The following ASIC2 variants were observed in gnomAD, a reference collection of about 807,000 sequenced individuals.
ASIC2 encodes acid sensing ion channel subunit 2, also known as acid-sensing ion channel 2.
Under a neutral mutation model 57.3 loss-of-function variants are expected in ASIC2, and 25 were observed. That is an observed-to-expected ratio of 0.44 (90% CI 0.32 to 0.61). The LOEUF (loss-of-function observed/expected upper bound fraction) is 0.61. Among genes scored for constraint, ASIC2 ranks in the 20% least tolerant of loss-of-function variants. The pLI is 0.06. For synonymous variants in ASIC2, 319 were observed against 307.5 expected, an observed-to-expected ratio of 1.04 and a Z score of -0.39; for missense variants, 641 against 738.1, an observed-to-expected ratio of 0.87 and a Z score of 1.52.
intron 1 of ASIC2, among the ~76,000 whole-genome samples, chr17:33,420,926 TA>T (rs1911022324): frequency 6.6e-6 from 1 of 152,220 alleles, no homozygotes; most frequent in African/African-American, 2.4e-5. Context: ...ATGAAGAAAT[TA>T]ATGTGTTTGC....
At chr17:33,209,422 G>A (rs964955930) in intron 1 of ASIC2, among the ~76,000 whole-genome samples, 4 of 152,172 alleles carry the variant, frequency 2.6e-5, no homozygotes, top group African/African-American at 4.8e-5. Flanking sequence ...CTAGACCATG[G>A]TTTTTCAGTC....
chr17:33,523,117 T>C (rs1914791178), intron 1 of ASIC2, among the ~76,000 whole-genome samples: 1 of 152,226 alleles, frequency 6.6e-6, no homozygotes. Context: ...TTTCTCTTCG[T>C]TCTGTGATGA....
intron 1 of ASIC2, among the ~76,000 whole-genome samples, chr17:33,512,014 G>A (rs151026961): frequency 6.6e-6 from 1 of 152,340 alleles, no homozygotes; most frequent in Non-Finnish European, 1.5e-5. Flanking sequence ...TAAGGGGAAA[G>A]CACATCTTAT....
At chr17:33,387,561 G>A (rs558914205) in intron 1 of ASIC2, among the ~76,000 whole-genome samples, 9 of 152,268 alleles carry the variant, frequency 5.9e-5, no homozygotes, top group African/African-American at 7.2e-5. Context: ...GCAATTCTGC[G>A]CGCCTGCGCC....
At chr17:33,361,950 C>A (rs931733664) in intron 1 of ASIC2, among the ~76,000 whole-genome samples, 3 of 152,290 alleles carry the variant, frequency 2.0e-5, no homozygotes, top group African/African-American at 7.2e-5. Flanking sequence ...TATGGTCTCT[C>A]CAATGACTTC....
intron 1 of ASIC2, among the ~76,000 whole-genome samples, chr17:33,625,135 C>CTATA (rs1054258388): frequency 3.1e-4 from 45 of 146,834 alleles, no homozygotes; most frequent in African/African-American, 1.1e-3. Context: ...CTCTGTCTAT[C>CTATA]TATCTATCTA....
chr17:33,327,032 A>G (rs117983822), intron 1 of ASIC2, among the ~76,000 whole-genome samples: 1,879 of 152,324 alleles, frequency 0.012, 24 homozygotes, highest in Middle Eastern at 0.048. Flanking sequence ...TGAGTCAGGT[A>G]TCATTACAGT....
At chr17:33,835,082 T>C (rs1173627134) in intron 1 of ASIC2, among the ~76,000 whole-genome samples, 1 of 152,216 alleles carries the variant, frequency 6.6e-6, no homozygotes, top group East Asian at 1.9e-4. Flanking sequence ...CTCATGGAAC[T>C]TTCACATTGT....
At chr17:33,536,602 A>G (rs1291726153) in intron 1 of ASIC2, among the ~76,000 whole-genome samples, 2 of 152,212 alleles carry the variant, frequency 1.3e-5, no homozygotes, top group Non-Finnish European at 2.9e-5. Context: ...AGCCACTAGC[A>G]TCTCACCTTA....
chr17:33,065,150 A>G (rs1176485718), intron 3 of ASIC2, among the ~76,000 whole-genome samples: 1 of 152,080 alleles, frequency 6.6e-6, no homozygotes, highest in East Asian at 1.9e-4. Context: ...GGCACATAAT[A>G]GGGGCTCTGT....
intron 1 of ASIC2, among the ~76,000 whole-genome samples, chr17:33,865,538 A>G (rs1027484930): frequency 2.6e-5 from 4 of 152,268 alleles, no homozygotes; most frequent in Admixed American, 2.6e-4. Context: ...TAAATGAGAT[A>G]TTACTGTACA....
At chr17:33,937,844 C>T (rs1916102251) in intron 1 of ASIC2, among the ~76,000 whole-genome samples, 1 of 152,146 alleles carries the variant, frequency 6.6e-6, no homozygotes, top group Non-Finnish European at 1.5e-5. Context: ...TCTCTTAGCA[C>T]AAACTGCCAG....
intron 1 of ASIC2, among the ~76,000 whole-genome samples, chr17:34,025,845 C>T (rs1184449355): frequency 6.6e-6 from 1 of 152,214 alleles, no homozygotes; most frequent in Non-Finnish European, 1.5e-5. Flanking sequence ...AGTGAGACTA[C>T]ATATTCAAAA....
chr17:33,155,482 T>C (rs1904964324), intron 1 of ASIC2, among the ~76,000 whole-genome samples: 1 of 152,164 alleles, frequency 6.6e-6, no homozygotes, highest in African/African-American at 2.4e-5. Context: ...CATCCTAACA[T>C]TGATGATTGA....
At chr17:33,467,018 T>C (rs1446766692) in intron 1 of ASIC2, among the ~76,000 whole-genome samples, 3 of 152,204 alleles carry the variant, frequency 2.0e-5, no homozygotes, top group African/African-American at 7.2e-5. Context: ...CTAAAGTGCT[T>C]CTGCACGGCA....
chr17:33,503,584 C>G (rs1052686485), intron 1 of ASIC2, among the ~76,000 whole-genome samples: 11 of 152,132 alleles, frequency 7.2e-5, no homozygotes, highest in South Asian at 2.1e-4. Context: ...CACTCTGTTG[C>G]TGGCCCACAG....
chr17:33,821,604 C>T (rs978284203), intron 1 of ASIC2, among the ~76,000 whole-genome samples: 2 of 152,200 alleles, frequency 1.3e-5, no homozygotes, highest in African/African-American at 4.8e-5. Context: ...ATGAGCCAGC[C>T]TTGTTTCCCA....
intron 1 of ASIC2, among the ~76,000 whole-genome samples, chr17:33,951,427 G>A (rs1024222245): frequency 1.3e-5 from 2 of 152,088 alleles, no homozygotes; most frequent in Non-Finnish European, 2.9e-5. Flanking sequence ...TTCCTGTGCT[G>A]TATTACCATG....
chr17:33,632,419 TGCCCC>T (rs1400483579), intron 1 of ASIC2, among the ~76,000 whole-genome samples: 2 of 152,152 alleles, frequency 1.3e-5, no homozygotes, highest in African/African-American at 4.8e-5. Context: ...AAGCCCTGCA[TGCCCC>T]AGCACTCAGG....
Sources: allele counts gnomAD v4.1 joint callset (sites outside exome capture counted in the v4.1 genomes callset), GRCh38; gene constraint gnomAD v4.1.1; transcripts MANE v1.5; gene names NCBI Gene and HGNC (gene_info 2026-07-23, HGNC 2026-07-21).